SLC25A26: variants seen among roughly 807,000 people sequenced by gnomAD.
The protein encoded by SLC25A26 is mitochondrial S-adenosylmethionine carrier protein.
Under a neutral mutation model 37.8 loss-of-function variants are expected in SLC25A26, and 36 were observed. The ratio of observed to expected loss-of-function variants is 0.95; its 90% CI spans 0.73 to 1.26. SLC25A26 has a LOEUF of 1.26. Among genes scored for constraint, SLC25A26 ranks in the 50% most tolerant of loss-of-function variants. The pLI, the probability that SLC25A26 is intolerant of heterozygous loss-of-function variation, is 0.00. For synonymous variants in SLC25A26, 129 were observed against 122.5 expected (o/e 1.05, Z -0.35); for missense variants, 390 against 331.1 (o/e 1.18, Z -1.38).
At chr3:66,257,044 C>T (rs1172060632) in intron 3 of SLC25A26, among the ~76,000 whole-genome samples, 1 of 152,004 alleles carries the variant, frequency 6.6e-6, no homozygotes, top group Non-Finnish European at 1.5e-5. Context: ...TGGTGCATAC[C>T]ATCTTCTTGC....
At chr3:66,374,847 C>T (rs1161437562) in intron 9 of SLC25A26, among the ~76,000 whole-genome samples, 1 of 151,592 alleles carries the variant, frequency 6.6e-6, no homozygotes, top group East Asian at 1.9e-4. Flanking sequence ...TGCCACTGCA[C>T]TCCAGCCTGG....
Position 66,221,145 on chromosome 3 carries a change from G to C in SLC25A26, c.33+18G>C, listed in dbSNP as rs561722197. The C allele has an allele frequency of 3.3e-6, 5 of 1,511,526 alleles. No individual in the cohort carries two copies. In the East Asian group the frequency reaches 1.3e-4, roughly 39 times the overall value. 93.6% of individuals were successfully genotyped at this position (1,511,526 alleles called of 1,614,324 possible). ...CGCTGGTGGTGAGTGCGGGGCGGTG[G>C]GGTGGGTTGCTCAGAGTGCCGGCGT... On this transcript the variant is annotated intron_variant, in intron 1 of 9. Coordinates refer to ENST00000354883, the MANE Select transcript of SLC25A26 (RefSeq NM_001379210.1).
At chr3:66,279,787 A>G (rs1285283056) in intron 5 of SLC25A26, among the ~76,000 whole-genome samples, 2 of 152,228 alleles carry the variant, frequency 1.3e-5, no homozygotes, top group Non-Finnish European at 2.9e-5. Flanking sequence ...CTGATTACCA[A>G]GTTTCTGATA....
chr3:66,266,604 T>G (rs1348700774), intron 5 of SLC25A26, among the ~76,000 whole-genome samples: 1 of 145,226 alleles, frequency 6.9e-6, no homozygotes, highest in Non-Finnish European at 1.5e-5. Flanking sequence ...TTTTACTGCA[T>G]TTGATGTTTG....
chr3:66,233,932 A>T (rs1253824198), intron 1 of SLC25A26, among the ~76,000 whole-genome samples: 1 of 152,234 alleles, frequency 6.6e-6, no homozygotes, highest in African/African-American at 2.4e-5. Context: ...TTAGCAGTAG[A>T]TAGCACTTCT....
intron 5 of SLC25A26, among the ~76,000 whole-genome samples, chr3:66,291,165 C>G (rs924111167): frequency 6.6e-6 from 1 of 152,132 alleles, no homozygotes; most frequent in African/African-American, 2.4e-5. Context: ...GTGATATCCC[C>G]TTTATCACTT....
At chr3:66,291,518 A>G (rs2074707810) in intron 5 of SLC25A26, among the ~76,000 whole-genome samples, 1 of 152,122 alleles carries the variant, frequency 6.6e-6, no homozygotes, top group Non-Finnish European at 1.5e-5. Context: ...TGCTTTCATC[A>G]GTTTCAAAGA....
chr3:66,229,508 A>G (rs971470942), intron 1 of SLC25A26, among the ~76,000 whole-genome samples: 1 of 152,070 alleles, frequency 6.6e-6, no homozygotes, highest in African/African-American at 2.4e-5. Context: ...TGGTTTTATA[A>G]GTGTCTCGCA....
chr3:66,251,669 A>G (rs1351261993), intron 3 of SLC25A26, among the ~76,000 whole-genome samples: 1 of 152,168 alleles, frequency 6.6e-6, no homozygotes, highest in Non-Finnish European at 1.5e-5. Flanking sequence ...GTAGTTATTC[A>G]TCTATAGTAC....
At chr3:66,198,120 A>T (rs2071068169) in intron 1 of SLC25A26, among the ~76,000 whole-genome samples, 1 of 152,080 alleles carries the variant, frequency 6.6e-6, no homozygotes, top group Non-Finnish European at 1.5e-5. Context: ...AAAAGTCCAG[A>T]GTCAAGTGCA....
At chr3:66,243,351 G>A (rs781921034) in intron 3 of SLC25A26, 39 bp downstream of exon 3, 1 of 927,998 alleles carries the variant, frequency 1.1e-6, no homozygotes, top group Admixed American at 1.9e-5. Flanking sequence ...CTTCAGAAAT[G>A]CACATCATGC....
intron 1 of SLC25A26, among the ~76,000 whole-genome samples, chr3:66,138,198 A>G (rs1035970570): frequency 6.6e-6 from 1 of 152,172 alleles, no homozygotes; most frequent in African/African-American, 2.4e-5. Flanking sequence ...TAAAATAAAC[A>G]TGGGCATTTA....
intron 6 of SLC25A26, among the ~76,000 whole-genome samples, chr3:66,350,692 CTGTGTG>C (rs147526506): frequency 9.6e-5 from 13 of 135,002 alleles, no homozygotes; most frequent in Admixed American, 2.4e-4. Context: ...GCCCTATACT[CTGTGTG>C]TGTGTGTGTG....
Position 66,213,510 on chromosome 3 carries a change from G to A in SLC25A26, c.-353-7232G>A, listed in dbSNP as rs1224557561. On this transcript the variant is annotated intron_variant, in intron 1 of 10. Coordinates refer to the SLC25A26 transcript ENST00000676754. ...AATTTTATAGTCACAGCAAAATTGA[G>A]CAGAAAGTACGGAGATTTCTCATAT... 1.3e-5 allele frequency among the ~76,000 whole-genome samples: 2 copies of A among 148,918 alleles called. 1 individual carries two copies. The highest frequency in any genetic ancestry group is 2.9e-5 in the Non-Finnish European group (2 of 67,814).
intron 9 of SLC25A26, among the ~76,000 whole-genome samples, chr3:66,374,835 C>T (rs1047774184): frequency 2.6e-5 from 4 of 151,598 alleles, no homozygotes; most frequent in African/African-American, 4.9e-5. Flanking sequence ...GGGCCACGAT[C>T]GTGCCACTGC....
chr3:66,268,669 T>C (rs1244720703), intron 5 of SLC25A26, among the ~76,000 whole-genome samples: 2 of 152,154 alleles, frequency 1.3e-5, no homozygotes, highest in East Asian at 3.9e-4. Context: ...GCTTTAACAG[T>C]GAAGGACACC....
chr3:66,171,374 C>T (rs979809713), intron 1 of SLC25A26, among the ~76,000 whole-genome samples: 2 of 152,176 alleles, frequency 1.3e-5, no homozygotes, highest in Admixed American at 6.5e-5. Context: ...GTCGGGTTCT[C>T]CAGCCATCCC....
intron 5 of SLC25A26, among the ~76,000 whole-genome samples, chr3:66,328,747 A>T (rs540961050): frequency 6.6e-6 from 1 of 152,148 alleles, no homozygotes; most frequent in African/African-American, 2.4e-5. Context: ...TCTTTATAAG[A>T]TTTTTCTTTT....
intron 6 of SLC25A26, among the ~76,000 whole-genome samples, chr3:66,357,597 C>G (rs1470928384): frequency 2.0e-5 from 3 of 152,066 alleles, no homozygotes; most frequent in Non-Finnish European, 4.4e-5. Context: ...TAATGCCCCT[C>G]TCCTCCCCTA....
Sources: gnomAD v4.1 joint callset for allele counts (sites outside exome capture counted in the v4.1 genomes callset) on GRCh38, gnomAD v4.1.1 for gene constraint, MANE v1.5 for transcripts, NCBI Gene and HGNC (gene_info 2026-07-23, HGNC 2026-07-21) for gene names.